MID1: variants seen among roughly 807,000 people sequenced by gnomAD.
The protein encoded by MID1 is E3 ubiquitin-protein ligase Midline-1.
Under a neutral mutation model 40.4 loss-of-function variants are expected in MID1, and 7 were observed. That is an observed-to-expected ratio of 0.17 (90% CI 0.10 to 0.33). The LOEUF (loss-of-function observed/expected upper bound fraction) is 0.33. MID1 is among the 10% of genes least tolerant of loss of function. The probability of loss-of-function intolerance (pLI) is 1.00; values close to 1 mark genes in which losing one functional copy is unlikely to be tolerated. For synonymous variants in MID1, 229 were observed against 221.2 expected (o/e 1.04, Z -0.31); for missense variants, 367 against 558.5 (o/e 0.66, Z 3.46).
chrX:10,651,107 C>G (rs1178718193), intron 1 of MID1, among the ~76,000 whole-genome samples: 1 of 111,937 alleles, frequency 8.9e-6, no homozygotes, highest in Non-Finnish European at 1.9e-5. Context: ...TGGCTCTTTT[C>G]GCAGATCTTG....
intron 2 of MID1, among the ~76,000 whole-genome samples, chrX:10,543,676 C>T (rs982770091): frequency 9.1e-6 from 1 of 109,910 alleles, no homozygotes; most frequent in Non-Finnish European, 1.9e-5. Flanking sequence ...AACGCGGTCT[C>T]TACTAAAAAT....
intron 1 of MID1, among the ~76,000 whole-genome samples, chrX:10,814,013 T>C (rs959657983): frequency 2.7e-5 from 3 of 112,109 alleles, no homozygotes; most frequent in Admixed American, 1.9e-4. Context: ...TGTGGCTGTG[T>C]TCCAATAAAC....
intron 1 of MID1, among the ~76,000 whole-genome samples, chrX:10,592,051 G>A (rs991015135): frequency 9.1e-6 from 1 of 109,818 alleles, no homozygotes; most frequent in African/African-American, 3.3e-5. Context: ...TTGGGAACTC[G>A]TTTTCTTCTT....
intron 1 of MID1, among the ~76,000 whole-genome samples, chrX:10,803,046 G>A (rs776690546): frequency 9.0e-6 from 1 of 110,946 alleles, no homozygotes; most frequent in East Asian, 2.8e-4. Flanking sequence ...AGGGATGGGG[G>A]CAAGGGCTGA....
intron 2 of MID1, among the ~76,000 whole-genome samples, chrX:10,559,882 GT>G (rs372238140): frequency 0.093 from 9,234 of 99,563 alleles, 702 homozygotes; most frequent in African/African-American, 0.25. Context: ...TTCATTGTGG[GT>G]TTTTTTTTTT....
chrX:10,715,560 G>A (rs1017129384), intron 1 of MID1, among the ~76,000 whole-genome samples: 4 of 111,830 alleles, frequency 3.6e-5, no homozygotes, highest in African/African-American at 1.3e-4. Context: ...ACTCGAACTG[G>A]GTGGAGCCCA....
At chrX:10,602,271 T>G (rs1416364894) in intron 1 of MID1, among the ~76,000 whole-genome samples, 8 of 107,661 alleles carry the variant, frequency 7.4e-5, no homozygotes, top group Non-Finnish European at 1.5e-4. Flanking sequence ...TTAAAAAAAT[T>G]TTTAAATGCT....
At chrX:10,669,345 C>T (rs1396580085) in intron 1 of MID1, among the ~76,000 whole-genome samples, 2 of 110,148 alleles carry the variant, frequency 1.8e-5, no homozygotes, top group Admixed American at 1.9e-4. Context: ...TTCTCACCTT[C>T]AAGCATTGCC....
chrX:10,776,798 A>AT (rs1258630854), intron 1 of MID1, among the ~76,000 whole-genome samples: 3 of 112,296 alleles, frequency 2.7e-5, no homozygotes, highest in Non-Finnish European at 5.6e-5. Context: ...AGTTTTAAAA[A>AT]TAAAAAAAAG....
intron 5 of MID1, among the ~76,000 whole-genome samples, chrX:10,477,069 G>A (rs1292899351): frequency 8.9e-6 from 1 of 112,249 alleles, no homozygotes; most frequent in Non-Finnish European, 1.9e-5. Context: ...GAAATGCTAA[G>A]GTGCCATTTG....
Position 10,526,790 on chromosome X carries a change from A to G in MID1, c.661-3603T>C, listed in dbSNP as rs897431216. Among the ~76,000 whole-genome samples the G allele has an allele frequency of 4.5e-5, 5 of 112,026 alleles. No individual in the cohort carries two copies. In the East Asian group the frequency reaches 1.4e-3, roughly 31 times the overall value. ...TTGGGGTTATTCAAATTTAAATAGT[A>G]CAAGTGTTACTGAAGTCTGCAAAGA... On this transcript the variant is annotated intron_variant, in intron 2 of 9. Coordinates refer to ENST00000317552, the MANE Select transcript of MID1 (RefSeq NM_000381.4).
rs765173688 is a variant in MID1 at position 10,695,929 on chromosome X, G to A, written c.-186-75510C>T. On this transcript the variant is annotated intron_variant, in intron 1 of 10. Transcript: ENST00000380785. ...AAATATTGATTATGTTATAGTAGGT[G>A]GTTAGTCAGACAGAAGCAGGGCAGG... Among the ~76,000 whole-genome samples the A allele has an allele frequency of 2.7e-5, 3 of 111,726 alleles. No homozygotes were observed. In the East Asian group the frequency reaches 8.4e-4, roughly 31 times the overall value.
intron 1 of MID1, among the ~76,000 whole-genome samples, chrX:10,820,296 G>T (rs1254067045): frequency 8.9e-6 from 1 of 112,020 alleles, no homozygotes; most frequent in African/African-American, 3.2e-5. Context: ...TAAAGCTACA[G>T]CCAGTGAGCA....
intron 2 of MID1, among the ~76,000 whole-genome samples, chrX:10,530,499 G>T (rs769917555): frequency 8.9e-4 from 100 of 112,687 alleles, no homozygotes; most frequent in African/African-American, 3.2e-3. Flanking sequence ...GTTGCTTAAA[G>T]AATGAGGCTT....
intron 1 of MID1, among the ~76,000 whole-genome samples, chrX:10,777,238 G>A (rs899008131): frequency 4.1e-5 from 4 of 97,531 alleles, no homozygotes; most frequent in South Asian, 5.2e-4. Context: ...TCTCTCTGTC[G>A]CCCAGGCTGG....
chrX:10,799,726 C>T lies in MID1; in HGVS notation c.-187+33828G>A, dbSNP rs185231500. ...AAGGGATATTAACATGCAGTAGACA[C>T]TCACACCCACTATGTGGGAGACCAA... On this transcript the variant is annotated intron_variant, in intron 1 of 10. Coordinates refer to the MID1 transcript ENST00000380785. Among the ~76,000 whole-genome samples, 7 of 105,132 alleles carry T rather than the reference C, an allele frequency of 6.7e-5. No individual in the cohort carries two copies. The East Asian group carries it at 2.0e-3, about 30-fold the overall frequency. The allele number at this position is 105,132 out of a possible 115,157, so 91.3% of individuals were successfully genotyped here. A position where few individuals can be genotyped will look rare whatever the true frequency, so the allele number is the denominator to read the frequency against.
At chrX:10,791,546 G>C (rs1447865066) in intron 1 of MID1, among the ~76,000 whole-genome samples, 1 of 112,025 alleles carries the variant, frequency 8.9e-6, no homozygotes, top group Non-Finnish European at 1.9e-5. Flanking sequence ...CCAGATAAAA[G>C]GGGGCAGTTG....
chrX:10,456,471 C>T (rs1010038194), intron 8 of MID1, among the ~76,000 whole-genome samples: 4 of 112,469 alleles, frequency 3.6e-5, no homozygotes, highest in Non-Finnish European at 7.5e-5. Flanking sequence ...TTTACAAAAT[C>T]AGGCAGCCAG....
intron 7 of MID1, among the ~76,000 whole-genome samples, chrX:10,465,224 C>T (rs866322362): frequency 1.9e-3 from 154 of 80,314 alleles, no homozygotes; most frequent in Admixed American, 2.8e-3. Context: ...TACACACACA[C>T]ACACACACAC....
Sources: gnomAD v4.1 joint callset for allele counts (sites outside exome capture counted in the v4.1 genomes callset) on GRCh38, gnomAD v4.1.1 for gene constraint, MANE v1.5 for transcripts, NCBI Gene and HGNC (gene_info 2026-07-23, HGNC 2026-07-21) for gene names.